ANK3: variants seen among roughly 807,000 people sequenced by gnomAD.
ANK3 encodes ankyrin 3.
In ANK3, 57 loss-of-function variants were observed where a neutral mutation model predicts 370.9. The ratio of observed to expected loss-of-function variants is 0.15; its 90% CI spans 0.12 to 0.19. The LOEUF (loss-of-function observed/expected upper bound fraction) is 0.19, where lower values mean the gene tolerates loss of function less well. Among genes scored for constraint, ANK3 ranks in the 10% least tolerant of loss-of-function variants. The pLI is 1.00. For synonymous variants in ANK3, 1,929 were observed against 1,946.3 expected (o/e 0.99, Z 0.23); for missense variants, 4,439 against 5,302.1 (o/e 0.84, Z 5.06).
At chr10:60,057,788 C>G (rs2079511188) in intron 41 of ANK3, among the ~76,000 whole-genome samples, 1 of 152,182 alleles carries the variant, frequency 6.6e-6, no homozygotes, top group African/African-American at 2.4e-5. Context: ...TATCTATTCC[C>G]TGATATGTAA....
At chr10:60,673,691 G>A (rs75273345) in intron 1 of ANK3, among the ~76,000 whole-genome samples, 6 of 152,160 alleles carry the variant, frequency 3.9e-5, no homozygotes, top group South Asian at 2.1e-4. Context: ...AAGTGTTCAC[G>A]GTAAAAATAA....
At chr10:60,546,145 C>T (rs1197008377) in intron 2 of ANK3, among the ~76,000 whole-genome samples, 1 of 152,176 alleles carries the variant, frequency 6.6e-6, no homozygotes, top group Non-Finnish European at 1.5e-5. Context: ...AAGCAATCCT[C>T]CCACTTCAGC....
At chr10:60,632,143 C>A (rs1045234168) in intron 1 of ANK3, among the ~76,000 whole-genome samples, 1 of 150,070 alleles carries the variant, frequency 6.7e-6, no homozygotes, top group Non-Finnish European at 1.5e-5. Context: ...CAAAATCAGA[C>A]ATTCAGCTCA....
chr10:60,600,637 G>A (rs1216862193), intron 2 of ANK3, among the ~76,000 whole-genome samples: 1 of 152,004 alleles, frequency 6.6e-6, no homozygotes, highest in Admixed American at 6.6e-5. Context: ...ACCAAACCAT[G>A]GTGAGAACAT....
At chr10:60,684,397 G>C in intron 1 of ANK3, 1 of 618,360 alleles carries the variant, frequency 1.6e-6, no homozygotes, top group Non-Finnish European at 2.7e-6. Context: ...TGAGTGAAGG[G>C]GAGGGAAGGA....
chr10:60,469,289 A>G (rs1255324036), intron 2 of ANK3, among the ~76,000 whole-genome samples: 56 of 148 alleles, frequency 0.38, 12 homozygotes, highest in Admixed American at 0.5. Context: ...TAGTGTGTGT[A>G]TATATATATA....
In ANK3 at chr10:60,070,886, T is replaced by C; in HGVS notation, c.9995A>G (p.Tyr3332Cys). The C allele has an allele frequency of 6.2e-7, 1 of 1,614,086 alleles. No homozygotes were observed. The highest frequency in any genetic ancestry group is 8.5e-7 in the Non-Finnish European group (1 of 1,180,026). Residue 3332 changes from tyrosine to cysteine, a missense_variant, in exon 37 of 44, where the codon TAT becomes TGT. Around this residue, in one of 13 missense-constraint regions of ANK3, gnomAD observed 1,601 missense variants for 1,731.7 expected, o/e 0.92. Transcript: ENST00000280772. The surrounding 1 kb of genome is among the most constrained non-coding windows in gnomAD (Gnocchi z 5.7). ...SIYQPVPVKK[Y>C]TFKLKEVDDE... ...GTCCACTTCCTTTAATTTGAAGGTA[T>C]ATTTTTTAACTGGGACTGGCTGATA... is the stretch of plus-strand genomic sequence containing the variant.
chr10:60,677,011 T>C (rs1449664539), intron 1 of ANK3, among the ~76,000 whole-genome samples: 1 of 152,250 alleles, frequency 6.6e-6, no homozygotes, highest in Non-Finnish European at 1.5e-5. Context: ...ATCACATATG[T>C]ACAATTATTA....
intron 2 of ANK3, among the ~76,000 whole-genome samples, chr10:60,538,331 G>A (rs904468125): frequency 7.2e-5 from 11 of 151,822 alleles, no homozygotes; most frequent in African/African-American, 2.7e-4. Flanking sequence ...TGTATAGTCA[G>A]GTGTACAAAA....
At chr10:60,264,915 C>T (rs752957497) in intron 5 of ANK3, among the ~76,000 whole-genome samples, 6 of 152,042 alleles carry the variant, frequency 3.9e-5, no homozygotes, top group Non-Finnish European at 8.8e-5. Flanking sequence ...TGAGAGAAGA[C>T]AACACAAAGA....
chr10:60,695,145 CA>C (rs767560926), intron 1 of ANK3, among the ~76,000 whole-genome samples: 16 of 151,952 alleles, frequency 1.1e-4, no homozygotes, highest in Non-Finnish European at 2.1e-4. Context: ...TCAAAAGAGA[CA>C]AAGAAGTCCA....
At chr10:60,549,658 G>A (rs2077046683) in intron 2 of ANK3, among the ~76,000 whole-genome samples, 1 of 152,052 alleles carries the variant, frequency 6.6e-6, no homozygotes, top group Non-Finnish European at 1.5e-5. Flanking sequence ...TTTTGTTGAG[G>A]ACTATCAAAT....
chr10:60,383,750 A>C (rs1002556054), intron 1 of ANK3, among the ~76,000 whole-genome samples: 9 of 152,174 alleles, frequency 5.9e-5, no homozygotes, highest in Admixed American at 2.6e-4. Context: ...AAAGATCTAC[A>C]CAATCTTCTA....
intron 23 of ANK3, 102 bp downstream of exon 23, chr10:60,166,489 T>A: frequency 1.1e-6 from 1 of 874,560 alleles, no homozygotes; most frequent in Admixed American, 2.4e-5. Context: ...CAAGATAATA[T>A]GAAAAGTTAG....
chr10:60,306,945 G>T (rs772243845), intron 1 of ANK3, among the ~76,000 whole-genome samples: 12 of 151,970 alleles, frequency 7.9e-5, no homozygotes, highest in Non-Finnish European at 1.8e-4. Context: ...GCCTAGACTG[G>T]TCTCAAACTT....
At chr10:60,239,223 G>C (rs1250858248) in intron 7 of ANK3, among the ~76,000 whole-genome samples, 3 of 152,154 alleles carry the variant, frequency 2.0e-5, no homozygotes, top group South Asian at 2.1e-4. Context: ...CATACTTGAA[G>C]AGATAATGAA....
chr10:60,282,429 G>C (rs1373687847), intron 1 of ANK3, among the ~76,000 whole-genome samples: 1 of 152,058 alleles, frequency 6.6e-6, no homozygotes, highest in Non-Finnish European at 1.5e-5. Flanking sequence ...CGAATTCAGT[G>C]GTTCTCTACC....
At chr10:60,047,351 T>C (rs2077142876) in intron 42 of ANK3, among the ~76,000 whole-genome samples, 1 of 152,258 alleles carries the variant, frequency 6.6e-6, no homozygotes, top group South Asian at 2.1e-4. Flanking sequence ...TTTATTTCTC[T>C]TAGAATTTTT....
intron 25 of ANK3, among the ~76,000 whole-genome samples, chr10:60,132,074 C>T (rs1045434533): frequency 1.6e-4 from 25 of 152,024 alleles, no homozygotes; most frequent in African/African-American, 5.3e-4. Context: ...CATCTCATTT[C>T]AATTGGGAAT....
Sources: allele counts gnomAD v4.1 joint callset (sites outside exome capture counted in the v4.1 genomes callset), GRCh38; gene constraint gnomAD v4.1.1; regional missense constraint gnomAD v4.1.1; non-coding constraint Gnocchi (gnomAD v3.1); transcripts MANE v1.5; gene names NCBI Gene and HGNC (gene_info 2026-07-23, HGNC 2026-07-21).